DENND1B: variants seen among roughly 807,000 people sequenced by gnomAD.
DENND1B encodes DENN domain containing 1B.
A neutral mutation model predicts 90.1 loss-of-function variants in DENND1B; 59 were observed. The ratio of observed to expected loss-of-function variants is 0.65; its 90% CI spans 0.53 to 0.81. The LOEUF is 0.81. Ranked by LOEUF, DENND1B falls within the 40% of genes least tolerant of loss-of-function variation. The probability of loss-of-function intolerance (pLI) is 0.00; values close to 1 mark genes in which losing one functional copy is unlikely to be tolerated. For missense variants in DENND1B, 862 were observed against 912.6 expected (o/e 0.94, Z 0.71); for synonymous variants, 337 against 324.6 (o/e 1.04, Z -0.41).
At position 197,617,658 on chromosome 1, in the gene DENND1B, C is replaced by T; in HGVS notation, c.773+1G>A. On this transcript the variant is annotated splice_donor_variant, in intron 11 of 22. Transcript: ENST00000620048. LOFTEE classifies it high-confidence loss of function. ...AAGGAGTCTGGCAAAAGCCAGCTTA[C>T]CAGCAGTAGTCCAGCAGGTGTGGAG... 1 of 1,605,228 alleles carries T rather than the reference C, an allele frequency of 6.2e-7. No homozygotes were observed. Among genetic ancestry groups the T allele is most frequent in the Non-Finnish European group, 8.5e-7 (1 of 1,173,670 alleles).
intron 10 of DENND1B, among the ~76,000 whole-genome samples, chr1:197,629,799 A>C (rs1001354735): frequency 1.3e-5 from 2 of 152,092 alleles, no homozygotes; most frequent in Non-Finnish European, 2.9e-5. Flanking sequence ...CAGAGGGCAT[A>C]TCTGATAAGA....
At chr1:197,515,639 G>A (rs1233852723) in intron 20 of DENND1B, among the ~76,000 whole-genome samples, 1 of 151,726 alleles carries the variant, frequency 6.6e-6, no homozygotes, top group African/African-American at 2.4e-5. Context: ...AACTAATACA[G>A]GAAGATTAGA....
rs1396726372 is a variant in DENND1B at position 197,611,931 on chromosome 1, C to T, written c.819G>A (p.Glu273=). The change falls in exon 12 of 23, where the codon GAG becomes GAA. Residue 273 remains glutamate (E), a splice_region_variant and synonymous_variant. Coordinates refer to ENST00000620048, the MANE Select transcript of DENND1B (RefSeq NM_001195215.2). ...TGTCTCATGTCTGAAAGATACTCAC[C>T]TCTATGAGGCTGGAGTGTATTCCAA... The part of the protein sequence containing the change: ...YLIGIHSSLI[E]RVKNKSLEDV... The T allele has an allele frequency of 6.2e-7, 1 of 1,603,042 alleles. No homozygotes were observed. The highest frequency in any genetic ancestry group is 8.5e-7 in the Non-Finnish European group (1 of 1,172,790).
intron 5 of DENND1B, among the ~76,000 whole-genome samples, chr1:197,664,528 TAAG>T (rs1333710726): frequency 6.6e-6 from 1 of 152,040 alleles, no homozygotes; most frequent in African/African-American, 2.4e-5. Context: ...TTTGTGGTAG[TAAG>T]AAGACTTCCC....
chr1:197,618,617 A>T (rs1238233796), intron 10 of DENND1B, among the ~76,000 whole-genome samples: 1 of 151,132 alleles, frequency 6.6e-6, no homozygotes, highest in Admixed American at 6.6e-5. Flanking sequence ...TTTTAATGTG[A>T]CTTTCTTTCC....
At chr1:197,759,909 C>T (rs2102453582) in intron 2 of DENND1B, among the ~76,000 whole-genome samples, 1 of 152,222 alleles carries the variant, frequency 6.6e-6, no homozygotes, top group African/African-American at 2.4e-5. Flanking sequence ...AATCCCTTAA[C>T]AGCAATACAT....
intron 15 of DENND1B, among the ~76,000 whole-genome samples, chr1:197,580,087 CTTTTTTTTTTTTTT>C (rs139056668): frequency 1.6e-4 from 12 of 76,744 alleles, no homozygotes; most frequent in Admixed American, 5.6e-4. Context: ...TTCTTTCTTT[CTTTTTTTTTTTTTT>C]TTTTTTTTGA....
chr1:197,758,404 T>C (rs1294069889), intron 2 of DENND1B, among the ~76,000 whole-genome samples: 1 of 152,222 alleles, frequency 6.6e-6, no homozygotes, highest in East Asian at 1.9e-4. Flanking sequence ...GAAGTGATCA[T>C]ACCTTTTTTC....
chr1:197,708,048 T>G (rs1659786896), intron 3 of DENND1B, among the ~76,000 whole-genome samples: 2 of 147,916 alleles, frequency 1.4e-5, no homozygotes, highest in Non-Finnish European at 3.0e-5. Context: ...ACCACGAGAC[T>G]ATATCCCACA....
chr1:197,761,912 A>G (rs1655100032), intron 2 of DENND1B: 1 of 152,028 alleles, frequency 6.6e-6, no homozygotes, highest in Non-Finnish European at 1.5e-5. Flanking sequence ...TCTATTTAAA[A>G]AAAAAAAAAA....
chr1:197,675,516 T>A (rs1655968972), intron 3 of DENND1B, among the ~76,000 whole-genome samples: 1 of 152,096 alleles, frequency 6.6e-6, no homozygotes, highest in South Asian at 2.1e-4. Flanking sequence ...TTTAAAAATA[T>A]GAGCACAGAC....
intron 11 of DENND1B, among the ~76,000 whole-genome samples, chr1:197,615,085 T>G (rs1677526685): frequency 6.6e-6 from 1 of 151,108 alleles, no homozygotes; most frequent in Non-Finnish European, 1.5e-5. Flanking sequence ...GTCCTTTGTA[T>G]GCCTATTCTG....
chr1:197,726,202 GT>G (rs1661616788), intron 2 of DENND1B, among the ~76,000 whole-genome samples: 1 of 152,138 alleles, frequency 6.6e-6, no homozygotes, highest in Non-Finnish European at 1.5e-5. Context: ...GTAGATTATA[GT>G]GGGTGTTTTA....
intron 10 of DENND1B, among the ~76,000 whole-genome samples, chr1:197,636,924 C>A (rs1329709788): frequency 2.0e-5 from 3 of 151,732 alleles, no homozygotes; most frequent in Non-Finnish European, 4.4e-5. Context: ...GAAAAGATGG[C>A]GAGTTGCATT....
At chr1:197,686,716 T>C (rs1657268982) in intron 3 of DENND1B, among the ~76,000 whole-genome samples, 1 of 151,732 alleles carries the variant, frequency 6.6e-6, no homozygotes, top group Admixed American at 6.6e-5. Flanking sequence ...CCTAGATATC[T>C]GTCTCTTTTT....
At position 197,626,482 on chromosome 1, in the gene DENND1B, A is replaced by G. The variant is rs554336345; in HGVS notation, c.673-8723T>C. Among the ~76,000 whole-genome samples, 1,279 of 152,320 alleles carry G rather than the reference A, an allele frequency of 8.4e-3. 19 individuals are homozygous for G. Among genetic ancestry groups the G allele is most frequent in the African/African-American group, 0.028 (1,176 of 41,566 alleles). On this transcript the variant is annotated intron_variant, in intron 10 of 22. Coordinates refer to ENST00000620048, the MANE Select transcript of DENND1B (RefSeq NM_001195215.2). ...AAAGATGTTCTTTGAAACCAATGAG[A>G]ACAAAGACACAACATACCACAATCT...
At chr1:197,757,911 AT>A (rs1654513648) in intron 2 of DENND1B, among the ~76,000 whole-genome samples, 1 of 152,174 alleles carries the variant, frequency 6.6e-6, no homozygotes, top group African/African-American at 2.4e-5. Flanking sequence ...ATTATCCTTA[AT>A]TTTAGCTCAT....
chr1:197,689,261 A>G (rs1657596150), intron 3 of DENND1B, among the ~76,000 whole-genome samples: 1 of 152,086 alleles, frequency 6.6e-6, no homozygotes, highest in African/African-American at 2.4e-5. Flanking sequence ...AAAGAGAGAA[A>G]GAGAATAAAG....
chr1:197,676,907 TTA>T, intron 3 of DENND1B, among the ~76,000 whole-genome samples: 1 of 152,068 alleles, frequency 6.6e-6, no homozygotes, highest in Non-Finnish European at 1.5e-5. Context: ...ATTGCTAGTG[TTA>T]GAGTGGTATA....
Sources: gnomAD v4.1 joint callset for allele counts (sites outside exome capture counted in the v4.1 genomes callset) on GRCh38, gnomAD v4.1.1 for gene constraint, MANE v1.5 for transcripts, NCBI Gene and HGNC (gene_info 2026-07-23, HGNC 2026-07-21) for gene names.